Variants in CNTNAP2 observed in about 807,000 individuals in gnomAD.
The protein encoded by CNTNAP2 is contactin-associated protein-like 2.
Under a neutral mutation model 155.2 loss-of-function variants are expected in CNTNAP2, and 98 were observed. That is an observed-to-expected ratio of 0.63 (90% CI 0.54 to 0.75). The LOEUF (loss-of-function observed/expected upper bound fraction) is 0.75. Among genes scored for constraint, CNTNAP2 ranks in the 30% least tolerant of loss-of-function variants. The pLI, the probability that CNTNAP2 is intolerant of heterozygous loss-of-function variation, is 0.00. For missense variants in CNTNAP2, 1,727 were observed against 1,688.1 expected (o/e 1.02, Z -0.40); for synonymous variants, 651 against 631.2 (o/e 1.03, Z -0.47).
intron 10 of CNTNAP2, among the ~76,000 whole-genome samples, chr7:147,481,343 C>T (rs1370247566): frequency 1.3e-5 from 2 of 152,202 alleles, no homozygotes; most frequent in Non-Finnish European, 2.9e-5. Context: ...ACAAACAAAT[C>T]TGGTACCATT....
intron 3 of CNTNAP2, among the ~76,000 whole-genome samples, chr7:146,850,744 T>C (rs971528415): frequency 6.6e-6 from 1 of 151,992 alleles, no homozygotes; most frequent in African/African-American, 2.4e-5. Context: ...ATATCACATT[T>C]CCTGTTTTAA....
intron 4 of CNTNAP2, among the ~76,000 whole-genome samples, chr7:147,098,575 T>A (rs1404341778): frequency 6.6e-6 from 1 of 152,226 alleles, no homozygotes; most frequent in Non-Finnish European, 1.5e-5. Flanking sequence ...AAAATTTGCT[T>A]TAAAGGAGCT....
intron 16 of CNTNAP2, among the ~76,000 whole-genome samples, chr7:148,142,135 T>TGTGTGTGTGTGTGTGTGTGTGTGTGTGTG (rs1164041504): frequency 1.2e-5 from 1 of 80,330 alleles, no homozygotes; most frequent in African/African-American, 5.4e-5. Context: ...GTGTGTGTGT[T>TGTGTGTGTGTGTGTGTGTGTGTGTGTGTG]TGTATAACAA....
At chr7:147,649,061 G>C (rs1194512114) in intron 13 of CNTNAP2, among the ~76,000 whole-genome samples, 1 of 152,046 alleles carries the variant, frequency 6.6e-6, no homozygotes, top group South Asian at 2.1e-4. Context: ...GTGACCTTTG[G>C]TCAGTTCCAG....
chr7:147,766,158 G>A (rs978470416), intron 13 of CNTNAP2, among the ~76,000 whole-genome samples: 1 of 152,094 alleles, frequency 6.6e-6, no homozygotes, highest in African/African-American at 2.4e-5. Flanking sequence ...TGACACAGAT[G>A]TATGCATTTA....
At chr7:147,841,744 A>C (rs1452036844) in intron 13 of CNTNAP2, among the ~76,000 whole-genome samples, 1 of 152,230 alleles carries the variant, frequency 6.6e-6, no homozygotes, top group Non-Finnish European at 1.5e-5. Flanking sequence ...GAAATGTTGA[A>C]GAATGCAAAA....
intron 1 of CNTNAP2, among the ~76,000 whole-genome samples, chr7:146,362,400 G>A (rs1242314869): frequency 2.0e-5 from 3 of 152,180 alleles, no homozygotes; most frequent in South Asian, 2.1e-4. Context: ...GAGGTGGGAA[G>A]CAGCCACAGA....
chr7:146,760,409 CTTTTTTTTTTTTTTTTTTT>C (rs532820418), intron 1 of CNTNAP2, among the ~76,000 whole-genome samples: 6 of 56,274 alleles, frequency 1.1e-4, no homozygotes, highest in East Asian at 8.0e-4. Context: ...TCCAATTTAC[CTTTTTTTTTTTTTTTTTTT>C]TTTTTTTTTT....
intron 1 of CNTNAP2, among the ~76,000 whole-genome samples, chr7:146,593,550 G>T (rs977376148): frequency 3.9e-5 from 6 of 152,184 alleles, no homozygotes; most frequent in Non-Finnish European, 8.8e-5. Flanking sequence ...TCTCAGCCCT[G>T]AAGCTTCCTG....
rs1271300402 is a variant in CNTNAP2, at chr7:146,303,311, A to T, written c.97+186338A>T. Reference sequence around the variant, plus strand: ...CACTCATGTACCTCTCATTTGCCTCAATTATAAGCAATTTGCCAGTCTCAA... The same window carrying T: ...CACTCATGTACCTCTCATTTGCCTCTATTATAAGCAATTTGCCAGTCTCAA... On this transcript the variant is annotated intron_variant, in intron 1 of 23. Coordinates refer to ENST00000361727, the MANE Select transcript of CNTNAP2 (RefSeq NM_014141.6). Among the ~76,000 whole-genome samples, 5 of 152,142 alleles carry T rather than the reference A, an allele frequency of 3.3e-5. No individual in the cohort carries two copies. The East Asian group carries it at 9.6e-4, about 29-fold the overall frequency.
chr7:147,969,625 G>A (rs957495400), intron 14 of CNTNAP2, among the ~76,000 whole-genome samples: 6 of 152,158 alleles, frequency 3.9e-5, no homozygotes, highest in African/African-American at 1.4e-4. Context: ...GGTTTTAGTA[G>A]AGACTTGGAC....
intron 4 of CNTNAP2, 32 bp downstream of exon 4, chr7:147,044,086 G>A (rs767576057): frequency 1.2e-6 from 2 of 1,612,824 alleles, no homozygotes; most frequent in African/African-American, 1.3e-5. Flanking sequence ...TTTGTGGCAG[G>A]TTTTATCTTT....
chr7:147,238,084 G>A (rs930706115), intron 8 of CNTNAP2, among the ~76,000 whole-genome samples: 4 of 152,072 alleles, frequency 2.6e-5, no homozygotes, highest in South Asian at 2.1e-4. Context: ...GCGCGATCTC[G>A]GCTCACTACA....
In CNTNAP2 at chr7:147,903,691, A is replaced by G; in HGVS notation, c.2225A>G (p.Tyr742Cys). 6.2e-7 allele frequency: 1 copy of G among 1,613,956 alleles called. No homozygotes were observed. The highest frequency in any genetic ancestry group is 8.5e-7 in the Non-Finnish European group (1 of 1,179,958). Reference protein sequence around the residue: ...IERNCTDPKYYCNCDADYKQW... With the variant: ...IERNCTDPKYCCNCDADYKQW... Reference sequence around the variant, plus strand: ...CGCAACTGCACAGATCCCAAGTACTACTGTAACTGCGACGCGGACTACAAG... The same window carrying G: ...CGCAACTGCACAGATCCCAAGTACTGCTGTAACTGCGACGCGGACTACAAG... Residue 742 changes from tyrosine (Y) to cysteine (C), a missense_variant, in exon 14 of 24, where the codon TAC (tyrosine) becomes TGC (cysteine). Coordinates refer to ENST00000361727, the MANE Select transcript of CNTNAP2 (RefSeq NM_014141.6).
At chr7:147,007,951 C>G (rs925859120) in intron 3 of CNTNAP2, among the ~76,000 whole-genome samples, 3 of 152,080 alleles carry the variant, frequency 2.0e-5, no homozygotes, top group Admixed American at 6.6e-5. Context: ...AGCTAAGCTT[C>G]TAATAAAATA....
chr7:146,414,001 A>G (rs1795902919), intron 1 of CNTNAP2, among the ~76,000 whole-genome samples: 1 of 152,190 alleles, frequency 6.6e-6, no homozygotes, highest in South Asian at 2.1e-4. Context: ...AAATTGATAC[A>G]AGAAAACTTA....
At chr7:148,365,086 A>G (rs964456761) in intron 21 of CNTNAP2, among the ~76,000 whole-genome samples, 4 of 152,180 alleles carry the variant, frequency 2.6e-5, no homozygotes, top group Non-Finnish European at 5.9e-5. Context: ...GAAGTCAGTG[A>G]GACCAAGAAC....
chr7:148,012,694 A>C (rs1354558537), intron 15 of CNTNAP2, among the ~76,000 whole-genome samples: 1 of 152,260 alleles, frequency 6.6e-6, no homozygotes, highest in African/African-American at 2.4e-5. Flanking sequence ...AGTGTAAAAC[A>C]TTCACACTCC....
At chr7:147,343,637 T>TA (rs1462043631) in intron 9 of CNTNAP2, among the ~76,000 whole-genome samples, 2 of 152,218 alleles carry the variant, frequency 1.3e-5, no homozygotes, top group African/African-American at 2.4e-5. Flanking sequence ...GTTTTAATTT[T>TA]ATGAATAAGT....
Sources: allele counts gnomAD v4.1 joint callset (sites outside exome capture counted in the v4.1 genomes callset), GRCh38; gene constraint gnomAD v4.1.1; transcripts MANE v1.5; gene names NCBI Gene and HGNC (gene_info 2026-07-23, HGNC 2026-07-21).